Variants in UBXN2A observed in about 807,000 individuals in gnomAD.
UBXN2A encodes the protein UBX domain-containing protein 2A.
Under a neutral mutation model 28.4 loss-of-function variants are expected in UBXN2A, and 28 were observed. The observed-to-expected ratio is 0.99, with a 90% CI of 0.73 to 1.35. UBXN2A has a LOEUF of 1.35. UBXN2A is among the 40% of genes most tolerant of loss of function. UBXN2A has a pLI of 0.00. For missense variants in UBXN2A, 253 were observed against 297.9 expected (o/e 0.85, Z 1.11); for synonymous variants, 97 against 103.6 (o/e 0.94, Z 0.39).
chr2:23,989,246 ATGTG>A (rs113041322), intron 6 of UBXN2A, among the ~76,000 whole-genome samples: 2 of 148,804 alleles, frequency 1.3e-5, no homozygotes, highest in African/African-American at 4.9e-5. Flanking sequence ...ACATATACAT[ATGTG>A]TGTGTGTGTG....
chr2:23,951,966 C>G (rs1205792006), intron 1 of UBXN2A, among the ~76,000 whole-genome samples: 1 of 144,290 alleles, frequency 6.9e-6, no homozygotes, highest in African/African-American at 2.5e-5. Context: ...AAGTTTTTTT[C>G]CTTTTTTTTT....
chr2:23,971,808 C>T (rs1707435082), intron 3 of UBXN2A, among the ~76,000 whole-genome samples: 1 of 151,920 alleles, frequency 6.6e-6, no homozygotes, highest in African/African-American at 2.4e-5. Flanking sequence ...TATTGTTTCC[C>T]TTTTTCACTA....
intron 4 of UBXN2A, among the ~76,000 whole-genome samples, chr2:23,979,850 C>G (rs896332363): frequency 1.3e-5 from 2 of 151,826 alleles, no homozygotes; most frequent in Non-Finnish European, 2.9e-5. Context: ...GGATTACCAG[C>G]GTGAGCCACC....
At chr2:23,968,491 G>T (rs1296402866) in intron 2 of UBXN2A, among the ~76,000 whole-genome samples, 1 of 151,982 alleles carries the variant, frequency 6.6e-6, no homozygotes, top group Non-Finnish European at 1.5e-5. Flanking sequence ...GGCTAACATG[G>T]TGAAACCCTG....
At chr2:23,962,259 A>T (rs1258801614) in intron 2 of UBXN2A, among the ~76,000 whole-genome samples, 2 of 152,216 alleles carry the variant, frequency 1.3e-5, no homozygotes, top group African/African-American at 4.8e-5. Context: ...ACCCATATGA[A>T]CAACAGCTAA....
At position 23,999,976 on chromosome 2, in the gene UBXN2A, G is replaced by C. The variant is rs1708681407; in HGVS notation, c.*109G>C. 5 of 1,078,646 alleles carry C rather than the reference G, an allele frequency of 4.6e-6. No individual in the cohort carries two copies. The highest frequency in any genetic ancestry group is 6.7e-6 in the Non-Finnish European group (5 of 745,416). 66.8% of individuals were successfully genotyped at this position (1,078,646 alleles called of 1,614,324 possible). On this transcript the variant is annotated 3_prime_UTR_variant, in exon 7 of 7. Coordinates refer to ENST00000309033, the MANE Select transcript of UBXN2A (RefSeq NM_181713.4). ...CAGACTCACTAGACTTTTGGTTCGA[G>C]TACTATTGAACTCTCTCCTGATGAG... is the stretch of plus-strand genomic sequence containing the variant.
chr2:23,935,980 AG>A (rs1175944098), upstream of UBXN2A, among the ~76,000 whole-genome samples: 1 of 152,144 alleles, frequency 6.6e-6, no homozygotes, highest in Non-Finnish European at 1.5e-5. Context: ...TGAACCTGGG[AG>A]GGGGAGGTTG....
chr2:23,998,061 C>T (rs1478542169), intron 6 of UBXN2A, among the ~76,000 whole-genome samples: 1 of 151,996 alleles, frequency 6.6e-6, no homozygotes, highest in Non-Finnish European at 1.5e-5. Flanking sequence ...ATCCACCCAC[C>T]TCAGCCTCCC....
chr2:23,988,250 T>A (rs1462614384), intron 6 of UBXN2A, among the ~76,000 whole-genome samples: 1 of 152,130 alleles, frequency 6.6e-6, no homozygotes, highest in African/African-American at 2.4e-5. Flanking sequence ...TTCTCCCACA[T>A]AACCACAATA....
chr2:23,960,500 T>C (rs535238817), intron 2 of UBXN2A, among the ~76,000 whole-genome samples: 9 of 152,278 alleles, frequency 5.9e-5, no homozygotes, highest in Admixed American at 5.9e-4. Context: ...AGTTCAGTAG[T>C]TTTTAGTACA....
intron 6 of UBXN2A, among the ~76,000 whole-genome samples, chr2:23,987,098 GA>G (rs539193584): frequency 1.4e-4 from 20 of 143,040 alleles, no homozygotes; most frequent in South Asian, 2.2e-4. Context: ...GTCTCAAAAG[GA>G]AAAAAAAAAA....
In UBXN2A at chr2:23,995,998, G is replaced by A. The variant is rs922153724; in HGVS notation, c.585-3674G>A. On this transcript the variant is annotated intron_variant, in intron 6 of 6. Coordinates refer to ENST00000309033, the MANE Select transcript of UBXN2A (RefSeq NM_181713.4). Reference sequence around the variant, plus strand: ...GCAACCTGCACCACCTCCCAGGTTCGAGCAATTCTCCTGCCTCAGCCTTCC... The same window carrying A: ...GCAACCTGCACCACCTCCCAGGTTCAAGCAATTCTCCTGCCTCAGCCTTCC... 2.0e-5 allele frequency among the ~76,000 whole-genome samples: 3 copies of A among 150,282 alleles called. No homozygotes were observed. In the South Asian group the frequency reaches 6.3e-4, roughly 32 times the overall value.
upstream of UBXN2A, among the ~76,000 whole-genome samples, chr2:23,938,293 C>T (rs1374078268): frequency 6.6e-6 from 1 of 152,046 alleles, no homozygotes; most frequent in East Asian, 1.9e-4. Flanking sequence ...TGGTGAAACC[C>T]TGTCTCTACT....
chr2:23,985,329 A>G (rs1234448907), intron 6 of UBXN2A, among the ~76,000 whole-genome samples: 2 of 151,584 alleles, frequency 1.3e-5, no homozygotes, highest in Non-Finnish European at 2.9e-5. Flanking sequence ...GCTCACTGCA[A>G]CCTCTGCCTC....
intron 3 of UBXN2A, among the ~76,000 whole-genome samples, chr2:23,974,501 A>G (rs1027289552): frequency 2.8e-4 from 42 of 150,494 alleles, no homozygotes; most frequent in African/African-American, 1.0e-3. Context: ...ACCCGCCACC[A>G]CGCCTGGCTA....
At chr2:23,980,669 C>T (rs1433570295) in intron 4 of UBXN2A, among the ~76,000 whole-genome samples, 2 of 152,020 alleles carry the variant, frequency 1.3e-5, no homozygotes, top group Non-Finnish European at 2.9e-5. Flanking sequence ...GCTCTGTCGG[C>T]GAGGCTGGAG....
At position 23,972,474 on chromosome 2, in the gene UBXN2A, G is replaced by A. The variant is rs1707459099; in HGVS notation, c.180+1060G>A. On this transcript the variant is annotated intron_variant, in intron 3 of 6. Transcript: ENST00000309033. Reference sequence around the variant, plus strand: ...CTTTATTCTTTGCGTATACTTCCAAGGGGAAAAAAAAACTAATTTTAATTA... The same window carrying A: ...CTTTATTCTTTGCGTATACTTCCAAAGGGAAAAAAAAACTAATTTTAATTA... Among the ~76,000 whole-genome samples, 3 of 151,902 alleles carry A rather than the reference G, an allele frequency of 2.0e-5. No individual in the cohort carries two copies. In the South Asian group the frequency reaches 6.2e-4, roughly 31 times the overall value.
chr2:23,983,430 C>G lies in UBXN2A; in HGVS notation c.425+397C>G, dbSNP rs946418846. 2.6e-5 allele frequency among the ~76,000 whole-genome samples: 4 copies of G among 152,050 alleles called. No homozygotes were observed. In the South Asian group the frequency reaches 8.3e-4, roughly 32 times the overall value. On this transcript the variant is annotated intron_variant, in intron 5 of 6. Transcript: ENST00000309033. Reference sequence around the variant, plus strand: ...GCTGAGGCAGGAGAATCGCTTGAACCTGGGAGGCAGAGATTGCGGTGAGCC... The same window carrying G: ...GCTGAGGCAGGAGAATCGCTTGAACGTGGGAGGCAGAGATTGCGGTGAGCC...
At chr2:23,969,349 C>T (rs1030227256) in intron 2 of UBXN2A, among the ~76,000 whole-genome samples, 3 of 152,050 alleles carry the variant, frequency 2.0e-5, no homozygotes, top group Admixed American at 2.0e-4. Flanking sequence ...TAAGCCTGGA[C>T]AGCATAGTGA....
Sources: allele counts gnomAD v4.1 joint callset (sites outside exome capture counted in the v4.1 genomes callset), GRCh38; gene constraint gnomAD v4.1.1; transcripts MANE v1.5; gene names NCBI Gene and HGNC (gene_info 2026-07-23, HGNC 2026-07-21).